The following GORASP2 variants were observed in gnomAD, a reference collection of about 807,000 sequenced individuals.
GORASP2 encodes the protein golgi reassembly stacking protein 2.
A neutral mutation model predicts 45.7 loss-of-function variants in GORASP2; 22 were observed. The observed-to-expected ratio is 0.48, with a 90% CI of 0.34 to 0.69. The LOEUF (loss-of-function observed/expected upper bound fraction) is 0.69, where lower values mean the gene tolerates loss of function less well. Among genes scored for constraint, GORASP2 ranks in the 30% least tolerant of loss-of-function variants. GORASP2 has a pLI of 0.01. For synonymous variants in GORASP2, 221 were observed against 215.6 expected (o/e 1.02, Z -0.22); for missense variants, 491 against 562.7 (o/e 0.87, Z 1.29).
chr2:170,941,596 T>C (rs1026923593), intron 1 of GORASP2, among the ~76,000 whole-genome samples: 1 of 152,200 alleles, frequency 6.6e-6, no homozygotes, highest in Non-Finnish European at 1.5e-5. Flanking sequence ...GGCCTGTTCT[T>C]GTACTTTGTA....
intron 1 of GORASP2, among the ~76,000 whole-genome samples, chr2:170,936,180 G>A (rs1276868215): frequency 3.4e-5 from 5 of 147,876 alleles, no homozygotes; most frequent in Admixed American, 6.8e-5. Context: ...AAATACTAAT[G>A]TAAACTAGGA....
chr2:170,939,745 A>G (rs966181), intron 1 of GORASP2, among the ~76,000 whole-genome samples: 132,987 of 152,172 alleles, frequency 0.87, 59,034 homozygotes, highest in East Asian at 1. Flanking sequence ...TGCAGATAAC[A>G]GGGACTACTA....
In GORASP2 at chr2:170,929,310, C is replaced by G. The variant is rs997559261; in HGVS notation, c.-31C>G. ...CGCTGGGGGCGGGAGCAGCGCGGAG[C>G]CCGGCTCGGCCACACCGATCGCCCG... On this transcript the variant is annotated 5_prime_UTR_variant, in exon 1 of 10. Transcript: ENST00000234160. 14 of 1,340,742 alleles carry G rather than the reference C, an allele frequency of 1.0e-5. No individual in the cohort carries two copies. In the Middle Eastern group the frequency reaches 6.8e-4, roughly 65 times the overall value. 83.1% of individuals were successfully genotyped at this position (1,340,742 alleles called of 1,614,324 possible).
In GORASP2 at chr2:170,929,412, T is replaced by A. The variant is rs772852335; in HGVS notation, c.63+9T>A. On this transcript the variant is annotated intron_variant, in intron 1 of 9. Transcript: ENST00000234160. Reference sequence around the variant, plus strand: ...GCTACCACGTTCTGCGGGTAAGGGCTCCGACGGCGGCCGGGGAGCTGCGGG... The same window carrying A: ...GCTACCACGTTCTGCGGGTAAGGGCACCGACGGCGGCCGGGGAGCTGCGGG... The A allele has an allele frequency of 3.6e-6, 5 of 1,383,260 alleles. No individual in the cohort carries two copies. The Admixed American group carries it at 1.5e-4, about 43-fold the overall frequency. The allele number at this position is 1,383,260 out of a possible 1,614,324, so 85.7% of individuals were successfully genotyped here.
Position 170,949,614 on chromosome 2 carries a change from A to G in GORASP2, c.220A>G (p.Ser74Gly). The change falls in exon 3 of 10, where the codon AGC becomes GGC. Residue 74 changes from serine (S) to glycine (G), a missense_variant. Ser to Gly is a moderately conservative substitution (Grantham distance 56). Around this residue, in one of 2 missense-constraint regions of GORASP2, gnomAD observed 194 missense variants for 270.4 expected, o/e 0.72. Transcript: ENST00000234160. ...EKPVKMLIYS[S>G]KTLELRETSV... ...GCCTGTAAAGATGCTTATCTATAGC[A>G]GCAAAACATTGGAACTGCGAGAGAC... The G allele has an allele frequency of 6.2e-7, 1 of 1,613,998 alleles. No homozygotes were observed. The highest frequency in any genetic ancestry group is 1.1e-5 in the South Asian group (1 of 91,086).
chr2:170,965,863 C>G lies in GORASP2; in HGVS notation c.1092C>G (p.Phe364Leu). ...GIAPLPLPSE[F>L]LPSFPLVPES... ...CACCTCTCCCCCTGCCATCCGAGTT[C>G]CTCCCGTCATTCCCCTTGGTTCCAG... Residue 364 changes from phenylalanine to leucine, a missense_variant, in exon 10 of 10, where the codon TTC (phenylalanine) becomes TTG (leucine). By Grantham distance (22) the Phe-to-Leu change is conservative. Around this residue, in one of 2 missense-constraint regions of GORASP2, gnomAD observed 297 missense variants for 292.3 expected, o/e 1.02. Transcript: ENST00000234160. 1 of 1,614,034 alleles carries G rather than the reference C, an allele frequency of 6.2e-7. No individual in the cohort carries two copies. Among genetic ancestry groups the G allele is most frequent in the South Asian group, 1.1e-5 (1 of 91,080 alleles).
At position 170,961,737 on chromosome 2, in the gene GORASP2, A is replaced by G. The variant is rs754096978; in HGVS notation, c.898A>G (p.Thr300Ala). 3.2e-6 allele frequency: 5 copies of G among 1,562,704 alleles called. No individual in the cohort carries two copies. The highest frequency in any genetic ancestry group is 2.7e-5 in the African/African-American group (2 of 73,892). The stretch of plus-strand genomic sequence containing the variant: ...TTCTGTGCCACCAATGAATCCAGCT[A>G]CTACATTACCAGGTAACCACCAGGG... Reference protein sequence around the residue: ...LTSVPPMNPATTLPGLMPLPA... With the variant: ...LTSVPPMNPAATLPGLMPLPA... The change falls in exon 8 of 10, where the codon ACT becomes GCT. Residue 300 changes from threonine to alanine, a missense_variant. Physicochemically the swap from Thr to Ala is moderately conservative, Grantham distance 58. Transcript: ENST00000234160.
In GORASP2 at chr2:170,951,418, G is replaced by C; in HGVS notation, c.526G>C (p.Val176Leu). The part of the protein sequence containing the change: ...YNTDTDNCRE[V>L]IITPNSAWGG... Reference sequence around the variant, plus strand: ...CACAGACACTGATAACTGTCGAGAAGTGATTATTACACCAAATTCTGCATG... The same window carrying C: ...CACAGACACTGATAACTGTCGAGAACTGATTATTACACCAAATTCTGCATG... The change falls in exon 5 of 10, where the codon GTG (valine) becomes CTG (leucine). Residue 176 changes from valine (V) to leucine (L), a missense_variant. Coordinates refer to ENST00000234160, the MANE Select transcript of GORASP2 (RefSeq NM_015530.5). 6.2e-7 allele frequency: 1 copy of C among 1,612,202 alleles called. No individual in the cohort carries two copies. The highest frequency in any genetic ancestry group is 1.7e-4 in the Middle Eastern group (1 of 6,056).
chr2:170,932,821 G>T (rs1458105136), intron 1 of GORASP2, among the ~76,000 whole-genome samples: 2 of 152,098 alleles, frequency 1.3e-5, no homozygotes, highest in East Asian at 1.9e-4. Context: ...GGACTATATG[G>T]CCAAAAGTTA....
At chr2:170,929,944 AG>A (rs768820066) in intron 1 of GORASP2, 12 of 360,248 alleles carry the variant, frequency 3.3e-5, no homozygotes, top group South Asian at 2.4e-4. Context: ...GCCTGGAAGT[AG>A]GTTCGACGGA....
chr2:170,954,569 A>AC, intron 5 of GORASP2, 81 bp from the exon 6 acceptor site: 3 of 1,137,556 alleles, frequency 2.6e-6, no homozygotes, highest in Non-Finnish European at 3.8e-6. Flanking sequence ...CTCTTGGGTT[A>AC]CCCGCCCCCC....
intron 3 of GORASP2, 86 bp downstream of exon 3, chr2:170,949,828 G>T: frequency 3.5e-6 from 4 of 1,151,912 alleles, no homozygotes; most frequent in Non-Finnish European, 5.2e-6. Context: ...GGCTTAATAA[G>T]ATTGTAAGGA....
intron 6 of GORASP2, among the ~76,000 whole-genome samples, chr2:170,955,921 T>C (rs1293146076): frequency 6.6e-6 from 1 of 152,206 alleles, no homozygotes; most frequent in Non-Finnish European, 1.5e-5. Context: ...TTTCTTCTCC[T>C]GAAAAGTGGA....
intron 1 of GORASP2, among the ~76,000 whole-genome samples, chr2:170,938,417 A>G (rs1369201832): frequency 6.6e-6 from 1 of 152,232 alleles, no homozygotes; most frequent in Non-Finnish European, 1.5e-5. Context: ...CATTAATTTT[A>G]GTCATATAGG....
chr2:170,961,072 A>T (rs1387748579), intron 7 of GORASP2, among the ~76,000 whole-genome samples: 4 of 152,226 alleles, frequency 2.6e-5, no homozygotes, highest in Admixed American at 2.6e-4. Flanking sequence ...CCTCAAGCTA[A>T]TGTTAGTACA....
Position 170,950,304 on chromosome 2 carries a change from T to C in GORASP2, c.435+14T>C. 7.9e-7 allele frequency: 1 copy of C among 1,273,070 alleles called. No individual in the cohort carries two copies. The highest frequency in any genetic ancestry group is 2.2e-5 in the Admixed American group (1 of 46,054). The allele number at this position is 1,273,070 out of a possible 1,614,324, so 78.9% of individuals were successfully genotyped here. ...GTCATGAATGAGGTAATTCGTGTGT[T>C]TATTCATAGTGAGAACTATATAAAA... On this transcript the variant is annotated intron_variant, in intron 4 of 9. Transcript: ENST00000234160.
At chr2:170,945,415 G>A (rs1238014097) in intron 1 of GORASP2, among the ~76,000 whole-genome samples, 1 of 150,866 alleles carries the variant, frequency 6.6e-6, no homozygotes, top group Non-Finnish European at 1.5e-5. Flanking sequence ...TGGTGCACAC[G>A]TGTCCCAGCT....
At chr2:170,946,387 G>A (rs946149186) in intron 1 of GORASP2, among the ~76,000 whole-genome samples, 2 of 152,028 alleles carry the variant, frequency 1.3e-5, no homozygotes, top group Non-Finnish European at 2.9e-5. Context: ...ATGTGGAGTG[G>A]ATTATATTTT....
chr2:170,929,452 G>A, intron 1 of GORASP2, 49 bp downstream of exon 1: 1 of 1,286,010 alleles, frequency 7.8e-7, no homozygotes. Flanking sequence ...AGGCGGGGCC[G>A]GCCGCGGGGA....
Sources: gnomAD v4.1 joint callset for allele counts (sites outside exome capture counted in the v4.1 genomes callset) on GRCh38, gnomAD v4.1.1 for gene constraint, gnomAD v4.1.1 regional missense constraint, MANE v1.5 for transcripts, NCBI Gene and HGNC (gene_info 2026-07-23, HGNC 2026-07-21) for gene names.